WDHD1: variants seen among roughly 807,000 people sequenced by gnomAD.
WDHD1 encodes WD repeat and HMG-box DNA-binding protein 1.
Under a neutral mutation model 135.4 loss-of-function variants are expected in WDHD1, and 111 were observed. The ratio of observed to expected loss-of-function variants is 0.82; its 90% CI spans 0.70 to 0.96. WDHD1 has a LOEUF of 0.96. Ranked by LOEUF, WDHD1 falls within the 40% of genes least tolerant of loss-of-function variation. The pLI, the probability that WDHD1 is intolerant of heterozygous loss-of-function variation, is 0.00. For synonymous variants in WDHD1, 434 were observed against 439.0 expected (o/e 0.99, Z 0.14); for missense variants, 1,351 against 1,336.3 (o/e 1.01, Z -0.17).
intron 11 of WDHD1, among the ~76,000 whole-genome samples, chr14:54,995,296 A>C (rs960627699): frequency 1.3e-5 from 2 of 152,122 alleles, no homozygotes; most frequent in Non-Finnish European, 2.9e-5. Flanking sequence ...GATCTTGTCA[A>C]AGAACCAGCT....
At chr14:55,007,768 G>A (rs1376547440) in intron 6 of WDHD1, among the ~76,000 whole-genome samples, 2 of 152,176 alleles carry the variant, frequency 1.3e-5, no homozygotes, top group Non-Finnish European at 2.9e-5. Flanking sequence ...AGGAACTGTG[G>A]ATATTAAGGC....
intron 21 of WDHD1, among the ~76,000 whole-genome samples, chr14:54,959,065 C>G (rs2041206230): frequency 6.6e-6 from 1 of 152,112 alleles, no homozygotes; most frequent in Admixed American, 6.6e-5. Context: ...CCAGTGTTAA[C>G]AAACTAATCT....
chr14:54,944,117 T>C (rs902524940), intron 25 of WDHD1, among the ~76,000 whole-genome samples: 5 of 151,972 alleles, frequency 3.3e-5, no homozygotes, highest in Non-Finnish European at 5.9e-5. Flanking sequence ...TGATCGTTAT[T>C]ATCTTTGTTG....
intron 16 of WDHD1, among the ~76,000 whole-genome samples, chr14:54,979,906 T>TTAA (rs2041589286): frequency 6.6e-6 from 1 of 152,244 alleles, no homozygotes; most frequent in Non-Finnish European, 1.5e-5. Context: ...TTTATTTCAC[T>TTAA]TAACACATCT....
chr14:54,959,325 G>A (rs1400007688), intron 21 of WDHD1, among the ~76,000 whole-genome samples: 1 of 151,202 alleles, frequency 6.6e-6, no homozygotes, highest in Non-Finnish European at 1.5e-5. Context: ...TTGGGTCTGG[G>A]GGGTTGAGGC....
At chr14:55,013,458 A>G in intron 3 of WDHD1, 27 bp downstream of exon 3, 1 of 1,468,606 alleles carries the variant, frequency 6.8e-7, no homozygotes, top group South Asian at 1.1e-5. Context: ...ATCATTTCAT[A>G]TCAATTGATA....
In WDHD1 at chr14:55,000,896, A is replaced by C; in HGVS notation, c.790T>G (p.Cys264Gly). 1 of 1,567,670 alleles carries C rather than the reference A, an allele frequency of 6.4e-7. No individual in the cohort carries two copies. The highest frequency in any genetic ancestry group is 8.6e-7 in the Non-Finnish European group (1 of 1,159,160). The change falls in exon 9 of 26, where the codon TGC becomes GGC. Residue 264 changes from cysteine to glycine, a missense_variant. Cys to Gly is a radical substitution (Grantham distance 159). Around this residue, in one of 2 missense-constraint regions of WDHD1, gnomAD observed 1,330 missense variants for 1,296.1 expected, o/e 1.03. Transcript: ENST00000360586. ...TACACTAAATCATACCTTTCCATGCAGTCTTTGGTTTCCACATTCCAAACT... is the reference window on the plus strand; with the variant it reads ...TACACTAAATCATACCTTTCCATGCCGTCTTTGGTTTCCACATTCCAAACT... Reference protein sequence around the residue: ...IIVWNVETKDCMERVKHEKGY... With the variant: ...IIVWNVETKDGMERVKHEKGY...
chr14:54,993,262 C>T (rs1028222375), intron 11 of WDHD1, among the ~76,000 whole-genome samples: 1 of 152,090 alleles, frequency 6.6e-6, no homozygotes, highest in Admixed American at 6.6e-5. Flanking sequence ...GGATTACAGG[C>T]ACACGTCACC....
chr14:55,010,481 A>C, intron 3 of WDHD1, 21 bp from the exon 4 acceptor site: 1 of 1,535,166 alleles, frequency 6.5e-7, no homozygotes, highest in Non-Finnish European at 8.8e-7. Context: ...AATTAAGGTA[A>C]GAAACATTAG....
chr14:55,019,300 T>C (rs931716701), intron 2 of WDHD1, among the ~76,000 whole-genome samples: 1 of 152,170 alleles, frequency 6.6e-6, no homozygotes, highest in African/African-American at 2.4e-5. Context: ...TAAATAAATA[T>C]TTTTATTTTT....
At chr14:54,950,167 C>T (rs2041018065) in intron 24 of WDHD1, among the ~76,000 whole-genome samples, 1 of 152,162 alleles carries the variant, frequency 6.6e-6, no homozygotes, top group African/African-American at 2.4e-5. Flanking sequence ...TGTAAATGGG[C>T]TAAATGCTCC....
At chr14:54,980,242 G>A (rs972218293) in intron 16 of WDHD1, among the ~76,000 whole-genome samples, 6 of 151,954 alleles carry the variant, frequency 3.9e-5, no homozygotes, top group Admixed American at 3.9e-4. Flanking sequence ...CTTGAGCCCA[G>A]GATGTCACTG....
chr14:54,965,448 T>C (rs181368533), intron 18 of WDHD1, among the ~76,000 whole-genome samples: 18 of 152,282 alleles, frequency 1.2e-4, no homozygotes, highest in East Asian at 1.2e-3. Context: ...GGCAGGCATA[T>C]CTAACAGCCC....
At chr14:55,010,527 G>T in intron 3 of WDHD1, 67 bp from the exon 4 acceptor site, 1 of 1,314,472 alleles carries the variant, frequency 7.6e-7, no homozygotes, top group Non-Finnish European at 9.9e-7. Context: ...TCTCTCCATA[G>T]TTAAAAATCC....
At chr14:54,995,537 A>T in intron 11 of WDHD1, 66 bp downstream of exon 11, 1 of 1,225,632 alleles carries the variant, frequency 8.2e-7, no homozygotes, top group Non-Finnish European at 1.1e-6. Context: ...TGACTTTAAT[A>T]GTGTTAATAA....
intron 2 of WDHD1, among the ~76,000 whole-genome samples, chr14:55,026,112 G>C (rs934273598): frequency 6.6e-6 from 1 of 152,138 alleles, no homozygotes; most frequent in Non-Finnish European, 1.5e-5. Context: ...TGTCTGGTTC[G>C]CTCTATTCTA....
intron 16 of WDHD1, among the ~76,000 whole-genome samples, chr14:54,980,501 C>T (rs978326877): frequency 3.3e-5 from 5 of 151,850 alleles, no homozygotes; most frequent in Admixed American, 6.6e-5. Flanking sequence ...AATGTGCACA[C>T]GGATCAATAT....
rs115947628 is a variant in WDHD1 at position 55,000,619 on chromosome 14, T to A, written c.826A>T (p.Ile276Phe). The A allele has an allele frequency of 6.3e-7, 1 of 1,587,170 alleles. No individual in the cohort carries two copies. Among genetic ancestry groups the A allele is most frequent in the East Asian group, 2.3e-5 (1 of 43,664 alleles). Residue 276 changes from isoleucine (I) to phenylalanine (F), a missense_variant, in exon 10 of 26, where the codon ATT becomes TTT. Coordinates refer to ENST00000360586, the MANE Select transcript of WDHD1 (RefSeq NM_007086.4). ...GTAGGATGCCATGCCAGACCACAAA[T>A]TGCATAACCTTTCTCATGTTTCACC... ...ERVKHEKGYA[I>F]CGLAWHPTCG...
intron 21 of WDHD1, among the ~76,000 whole-genome samples, chr14:54,959,922 G>C (rs1595067865): frequency 6.6e-6 from 1 of 152,096 alleles, no homozygotes; most frequent in East Asian, 1.9e-4. Context: ...CTAGCCCCTT[G>C]CGGTTTGGTG....
Sources: allele counts gnomAD v4.1 joint callset (sites outside exome capture counted in the v4.1 genomes callset), GRCh38; gene constraint gnomAD v4.1.1; regional missense constraint gnomAD v4.1.1; transcripts MANE v1.5; gene names NCBI Gene and HGNC (gene_info 2026-07-23, HGNC 2026-07-21).